Variants in GABRB1 observed in about 807,000 individuals in gnomAD.
The protein encoded by GABRB1 is gamma-aminobutyric acid receptor subunit beta-1.
In GABRB1, 17 loss-of-function variants were observed where a neutral mutation model predicts 51.6. The ratio of observed to expected loss-of-function variants is 0.33; its 90% CI spans 0.23 to 0.49. GABRB1 has a LOEUF of 0.49. Ranked by LOEUF, GABRB1 falls within the 20% of genes least tolerant of loss-of-function variation. The pLI is 0.99. For missense variants in GABRB1, 410 were observed against 600.6 expected (o/e 0.68, Z 3.32); for synonymous variants, 247 against 218.9 (o/e 1.13, Z -1.14).
At chr4:47,044,383 GT>G (rs1214925012) in intron 3 of GABRB1, among the ~76,000 whole-genome samples, 1 of 151,994 alleles carries the variant, frequency 6.6e-6, no homozygotes, top group Non-Finnish European at 1.5e-5. Flanking sequence ...CCTTGAACAT[GT>G]TTCTGTTAGG....
At chr4:47,125,383 A>G (rs1716071333) in intron 3 of GABRB1, among the ~76,000 whole-genome samples, 1 of 152,004 alleles carries the variant, frequency 6.6e-6, no homozygotes, top group Non-Finnish European at 1.5e-5. Flanking sequence ...ACATGAAAAC[A>G]TACGAAAATA....
chr4:47,321,890 C>G (rs369511191), intron 5 of GABRB1, among the ~76,000 whole-genome samples: 1 of 152,264 alleles, frequency 6.6e-6, no homozygotes, highest in Non-Finnish European at 1.5e-5. Flanking sequence ...TTGACAAATA[C>G]TTGAAATTGA....
intron 4 of GABRB1, among the ~76,000 whole-genome samples, chr4:47,250,731 T>G (rs2109862868): frequency 6.6e-6 from 1 of 152,330 alleles, no homozygotes; most frequent in Middle Eastern, 3.4e-3. Context: ...TCATTCTACT[T>G]GTTTAAATCT....
At chr4:47,024,140 G>A (rs1414344901) in intron 1 of GABRB1, among the ~76,000 whole-genome samples, 2 of 151,676 alleles carry the variant, frequency 1.3e-5, no homozygotes, top group Non-Finnish European at 2.9e-5. Context: ...TTTTCTCCTA[G>A]TAGTTTGTTC....
At chr4:47,353,544 GATATA>G (rs1726441398) in intron 5 of GABRB1, among the ~76,000 whole-genome samples, 1 of 152,162 alleles carries the variant, frequency 6.6e-6, no homozygotes, top group African/African-American at 2.4e-5. Context: ...TAGGCGAAGT[GATATA>G]ATAGAAAGGA....
At chr4:47,077,093 C>T (rs1727589162) in intron 3 of GABRB1, among the ~76,000 whole-genome samples, 1 of 152,198 alleles carries the variant, frequency 6.6e-6, no homozygotes, top group African/African-American at 2.4e-5. Flanking sequence ...GCCACCTCTT[C>T]TTTACTGCAT....
At chr4:47,300,845 C>T (rs1354079857) in intron 4 of GABRB1, among the ~76,000 whole-genome samples, 2 of 152,152 alleles carry the variant, frequency 1.3e-5, no homozygotes, top group East Asian at 3.9e-4. Context: ...TTGATTTAAG[C>T]TCAAAATGGA....
Position 47,406,935 on chromosome 4 carries a change from T to A in GABRB1, c.1080+9T>A, listed in dbSNP as rs577240874. Reference sequence around the variant, plus strand: ...AGATGAATAAAGTCCAGGTAAGATATTAAATATTCCTAACAATATTCTTGT... The same window carrying A: ...AGATGAATAAAGTCCAGGTAAGATAATAAATATTCCTAACAATATTCTTGT... On this transcript the variant is annotated intron_variant, in intron 8 of 8. Coordinates refer to ENST00000295454, the MANE Select transcript of GABRB1 (RefSeq NM_000812.4). 6.2e-7 allele frequency: 1 copy of A among 1,611,620 alleles called. No individual in the cohort carries two copies. The highest frequency in any genetic ancestry group is 1.1e-5 in the South Asian group (1 of 90,966).
chr4:47,285,846 T>C (rs964628331), intron 4 of GABRB1, among the ~76,000 whole-genome samples: 3 of 152,346 alleles, frequency 2.0e-5, no homozygotes, highest in Non-Finnish European at 4.4e-5. Context: ...TTTTCACCCA[T>C]GCACCACCCA....
chr4:47,048,242 C>G (rs1057309259), intron 3 of GABRB1, among the ~76,000 whole-genome samples: 1 of 151,996 alleles, frequency 6.6e-6, no homozygotes, highest in Non-Finnish European at 1.5e-5. Context: ...ATGACAAGGC[C>G]CTGGGCTAGG....
chr4:47,138,140 TC>T (rs1402559945), intron 3 of GABRB1, among the ~76,000 whole-genome samples: 11 of 152,032 alleles, frequency 7.2e-5, no homozygotes, highest in African/African-American at 2.7e-4. Context: ...GACTCTATGG[TC>T]TTCAGTTCTT....
intron 3 of GABRB1, among the ~76,000 whole-genome samples, chr4:47,069,742 C>G (rs958551690): frequency 2.6e-5 from 4 of 152,096 alleles, no homozygotes; most frequent in Non-Finnish European, 5.9e-5. Context: ...CTCTCCTTTT[C>G]TTTTCTCATT....
chr4:47,264,255 A>G (rs1722562826), intron 4 of GABRB1, among the ~76,000 whole-genome samples: 1 of 152,186 alleles, frequency 6.6e-6, no homozygotes, highest in Non-Finnish European at 1.5e-5. Context: ...TTTTTCCTAC[A>G]ATGTTTGCAA....
At chr4:47,145,924 C>T (rs1442371267) in intron 3 of GABRB1, among the ~76,000 whole-genome samples, 1 of 152,002 alleles carries the variant, frequency 6.6e-6, no homozygotes, top group Non-Finnish European at 1.5e-5. Context: ...AAAAATGCAT[C>T]AGCACAGCCT....
At chr4:47,047,382 AT>A (rs1490174493) in intron 3 of GABRB1, among the ~76,000 whole-genome samples, 6 of 152,116 alleles carry the variant, frequency 3.9e-5, no homozygotes, top group South Asian at 2.1e-4. Context: ...TAAAGCAACC[AT>A]ATGAAGTATA....
chr4:47,248,936 A>G (rs552344476), intron 4 of GABRB1, among the ~76,000 whole-genome samples: 1 of 151,790 alleles, frequency 6.6e-6, no homozygotes, highest in Non-Finnish European at 1.5e-5. Context: ...TATCAATTTT[A>G]TTTCTATTTT....
intron 3 of GABRB1, among the ~76,000 whole-genome samples, chr4:47,058,927 T>G (rs981978377): frequency 6.6e-6 from 1 of 152,238 alleles, no homozygotes; most frequent in Non-Finnish European, 1.5e-5. Flanking sequence ...ATTTTCTAGT[T>G]AGTAAATAAG....
chr4:47,346,473 A>G (rs1726093000), intron 5 of GABRB1, among the ~76,000 whole-genome samples: 1 of 152,210 alleles, frequency 6.6e-6, no homozygotes, highest in Non-Finnish European at 1.5e-5. Context: ...AATTTAAGAA[A>G]AGACATGGCA....
chr4:47,014,544 A>T (rs1724682459), intron 1 of GABRB1, among the ~76,000 whole-genome samples: 1 of 152,040 alleles, frequency 6.6e-6, no homozygotes, highest in Non-Finnish European at 1.5e-5. Flanking sequence ...CCAGCCTCCC[A>T]TACCTAGCAA....
Sources: gnomAD v4.1 joint callset for allele counts (sites outside exome capture counted in the v4.1 genomes callset) on GRCh38, gnomAD v4.1.1 for gene constraint, MANE v1.5 for transcripts, NCBI Gene and HGNC (gene_info 2026-07-23, HGNC 2026-07-21) for gene names.